The following PAM variants were observed in gnomAD, a reference collection of about 807,000 sequenced individuals.
PAM encodes peptidyl-glycine alpha-amidating monooxygenase.
In PAM, 72 loss-of-function variants were observed where a neutral mutation model predicts 122.1. The ratio of observed to expected loss-of-function variants is 0.59; its 90% CI spans 0.49 to 0.72. The LOEUF (loss-of-function observed/expected upper bound fraction) is 0.72. Ranked by LOEUF, PAM falls within the 30% of genes least tolerant of loss-of-function variation. The pLI, the probability that PAM is intolerant of heterozygous loss-of-function variation, is 0.00. For missense variants in PAM, 1,106 were observed against 1,183.7 expected (o/e 0.93, Z 0.96); for synonymous variants, 389 against 404.4 (o/e 0.96, Z 0.46).
At position 102,866,233 on chromosome 5, in the gene PAM, T is replaced by G; in HGVS notation, c.38T>G (p.Val13Gly). 6.2e-7 allele frequency: 1 copy of G among 1,613,842 alleles called. No homozygotes were observed. Among genetic ancestry groups the G allele is most frequent in the East Asian group, 2.2e-5 (1 of 44,868 alleles). ...GRVPSLLVLL[V>G]FPSSCLAFRS... ...GTCCCTAGCCTGCTAGTTCTCCTTG[T>G]TTTTCCAAGCAGCTGTTTGGCTTTC... Residue 13 changes from valine (V) to glycine (G), a missense_variant, in exon 2 of 26, where the codon GTT becomes GGT. Coordinates refer to ENST00000438793, the MANE Select transcript of PAM (RefSeq NM_001177306.2).
chr5:103,015,289 G>A (rs1781662957), intron 21 of PAM, among the ~76,000 whole-genome samples: 1 of 152,158 alleles, frequency 6.6e-6, no homozygotes, highest in Non-Finnish European at 1.5e-5. Context: ...TTACTATGTT[G>A]AAGCAAACAT....
At chr5:102,979,792 ATTTAATTTT>A (rs1275780607) in intron 15 of PAM, among the ~76,000 whole-genome samples, 1 of 152,046 alleles carries the variant, frequency 6.6e-6, no homozygotes, top group Non-Finnish European at 1.5e-5. Context: ...TAATAGCAGT[ATTTAATTTT>A]TTTCTAAAAG....
chr5:103,011,283 A>AT (rs778869542), intron 21 of PAM, among the ~76,000 whole-genome samples: 1 of 152,020 alleles, frequency 6.6e-6, no homozygotes, highest in Non-Finnish European at 1.5e-5. Context: ...GTTTATTTTG[A>AT]TTTTTTTAAA....
intron 21 of PAM, among the ~76,000 whole-genome samples, chr5:103,011,974 T>C (rs1363829634): frequency 6.6e-6 from 1 of 152,204 alleles, no homozygotes; most frequent in Non-Finnish European, 1.5e-5. Context: ...TTAGATGATA[T>C]CTTATTGTAG....
intron 3 of PAM, among the ~76,000 whole-genome samples, chr5:102,900,243 A>ATGTG (rs1171462303): frequency 9.1e-5 from 4 of 43,910 alleles, no homozygotes; most frequent in African/African-American, 4.5e-4. Flanking sequence ...AGGTCTCTTA[A>ATGTG]TGTGTGTGTG....
chr5:102,944,974 G>A (rs1042491023), intron 7 of PAM, among the ~76,000 whole-genome samples: 2 of 151,716 alleles, frequency 1.3e-5, no homozygotes, highest in African/African-American at 4.8e-5. Context: ...ATGTGCTTCA[G>A]TTTCTTTCAT....
At chr5:102,776,721 C>T (rs1380922007) in intron 1 of PAM, among the ~76,000 whole-genome samples, 5 of 152,016 alleles carry the variant, frequency 3.3e-5, no homozygotes, top group Admixed American at 1.3e-4. Context: ...TATTAAGTTT[C>T]TTCACATTGT....
chr5:102,936,263 T>C (rs1355628750), intron 7 of PAM, among the ~76,000 whole-genome samples: 1 of 152,076 alleles, frequency 6.6e-6, no homozygotes, highest in Non-Finnish European at 1.5e-5. Flanking sequence ...ACCATGGAAA[T>C]TGACAAATAG....
chr5:102,832,146 T>C (rs934790213), intron 1 of PAM, among the ~76,000 whole-genome samples: 2 of 152,188 alleles, frequency 1.3e-5, no homozygotes, highest in African/African-American at 2.4e-5. Context: ...TGTCATGGCA[T>C]TTGAGTCCTA....
At chr5:102,843,100 A>C (rs1441942645) in intron 1 of PAM, among the ~76,000 whole-genome samples, 1 of 152,206 alleles carries the variant, frequency 6.6e-6, no homozygotes, top group Non-Finnish European at 1.5e-5. Flanking sequence ...CTAAAGCCTA[A>C]TTATGTTTTA....
chr5:102,843,656 C>T (rs1779243654), intron 1 of PAM, among the ~76,000 whole-genome samples: 1 of 152,020 alleles, frequency 6.6e-6, no homozygotes, highest in Non-Finnish European at 1.5e-5. Context: ...TCTCAGAATT[C>T]AACAGTAAAA....
At position 102,979,030 on chromosome 5, in the gene PAM, TCACACACA is replaced by T. The variant is rs10578523; in HGVS notation, c.1483+4618_1483+4625del. On this transcript the variant is annotated intron_variant, in intron 15 of 25. Coordinates refer to ENST00000438793, the MANE Select transcript of PAM (RefSeq NM_001177306.2). The stretch of plus-strand genomic sequence containing the variant: ...TTCTTAATCACTCTGTTATTCTGCA[TCACACACA>T]CACACACACACACACACACACACGC... Among the ~76,000 whole-genome samples the T allele has an allele frequency of 3.6e-4, 53 of 147,846 alleles. No homozygotes were observed. The East Asian group carries it at 4.2e-3, about 12-fold the overall frequency.
Position 102,867,390 on chromosome 5 carries a change from A to G in PAM, c.207A>G (p.Lys69=), listed in dbSNP as rs767467212. 5 of 1,607,584 alleles carry G rather than the reference A, an allele frequency of 3.1e-6. No homozygotes were observed. The Admixed American group carries it at 8.4e-5, about 27-fold the overall frequency. ...LDIRMPGVTP[K]QSDTYFCMSM... is the part of the protein sequence containing the mutation. ...TTCGCATGCCTGGGGTTACACCTAAACAGGTGAGAGGAATTTTGTCTTTCA... is the reference window on the plus strand; with the variant it reads ...TTCGCATGCCTGGGGTTACACCTAAGCAGGTGAGAGGAATTTTGTCTTTCA... Residue 69 remains lysine, a synonymous_variant, in exon 3 of 26, where the codon AAA becomes AAG. Transcript: ENST00000438793.
intron 18 of PAM, 62 bp downstream of exon 18, chr5:103,005,288 C>G: frequency 1.1e-6 from 1 of 896,192 alleles, no homozygotes; most frequent in South Asian, 1.3e-5. Context: ...TTGAAGAGCT[C>G]TGGAGTTGTA....
intron 1 of PAM, among the ~76,000 whole-genome samples, chr5:102,779,425 A>G (rs1261641114): frequency 6.6e-6 from 1 of 152,164 alleles, no homozygotes; most frequent in Non-Finnish European, 1.5e-5. Context: ...TATGTGTGAC[A>G]GCTACAAATG....
chr5:102,877,275 G>T (rs924903189), intron 3 of PAM, among the ~76,000 whole-genome samples: 1 of 152,184 alleles, frequency 6.6e-6, no homozygotes, highest in East Asian at 1.9e-4. Context: ...CAATGGATTA[G>T]TTAAGAAATG....
chr5:102,967,031 A>T (rs1045153581), intron 14 of PAM, among the ~76,000 whole-genome samples: 3 of 152,252 alleles, frequency 2.0e-5, no homozygotes, highest in Middle Eastern at 3.4e-3. Context: ...AGCATTTTTT[A>T]AAAAACCTTC....
At chr5:102,800,735 G>C (rs907481538) in intron 1 of PAM, among the ~76,000 whole-genome samples, 1 of 152,174 alleles carries the variant, frequency 6.6e-6, no homozygotes, top group Non-Finnish European at 1.5e-5. Context: ...GTTATTGTTT[G>C]AGTCCCTGGT....
At chr5:102,882,094 T>C (rs184653160) in intron 3 of PAM, among the ~76,000 whole-genome samples, 1,727 of 104,404 alleles carry the variant, frequency 0.017, 209 homozygotes, top group African/African-American at 0.045. Context: ...TATATATATA[T>C]ATATATATAT....
Sources: gnomAD v4.1 joint callset for allele counts (sites outside exome capture counted in the v4.1 genomes callset) on GRCh38, gnomAD v4.1.1 for gene constraint, MANE v1.5 for transcripts, NCBI Gene and HGNC (gene_info 2026-07-23, HGNC 2026-07-21) for gene names.